SEL1L2: variants seen among roughly 807,000 people sequenced by gnomAD.
SEL1L2 encodes the protein protein sel-1 homolog 2.
Under a neutral mutation model 98.8 loss-of-function variants are expected in SEL1L2, and 89 were observed. The observed-to-expected ratio is 0.90, with a 90% confidence interval of 0.76 to 1.07. The LOEUF is 1.07. Among genes scored for constraint, SEL1L2 ranks in the 50% least tolerant of loss-of-function variants. The pLI is 0.00. For synonymous variants in SEL1L2, 262 were observed against 278.5 expected, an observed-to-expected ratio of 0.94 and a Z score of 0.59; for missense variants, 788 against 812.0, an observed-to-expected ratio of 0.97 and a Z score of 0.36.
At chr20:13,989,941 T>A (rs1281104948) in intron 1 of SEL1L2, among the ~76,000 whole-genome samples, 1 of 152,130 alleles carries the variant, frequency 6.6e-6, no homozygotes, top group Non-Finnish European at 1.5e-5. Flanking sequence ...GCACATTATA[T>A]GAGGATTGGG....
At chr20:13,964,818 A>G (rs2050964604) in intron 1 of SEL1L2, among the ~76,000 whole-genome samples, 1 of 152,002 alleles carries the variant, frequency 6.6e-6, no homozygotes. Context: ...TTCTTTCTCA[A>G]AGGCCAGTAA....
intron 9 of SEL1L2, 104 bp from the exon 10 acceptor site, chr20:13,885,507 T>A: frequency 1.3e-6 from 1 of 775,686 alleles, no homozygotes; most frequent in Non-Finnish European, 2.3e-6. Flanking sequence ...GTTGGACACG[T>A]TTGAAATGTC....
intron 1 of SEL1L2, among the ~76,000 whole-genome samples, chr20:13,981,651 A>G (rs2051836912): frequency 2.0e-5 from 3 of 152,224 alleles, no homozygotes; most frequent in African/African-American, 7.2e-5. Context: ...AAAGCCTTAT[A>G]ACTTTCAGGA....
intron 1 of SEL1L2, among the ~76,000 whole-genome samples, chr20:13,978,327 T>C (rs1307734633): frequency 1.3e-5 from 2 of 152,138 alleles, no homozygotes; most frequent in Non-Finnish European, 2.9e-5. Flanking sequence ...TGGACCCTTA[T>C]CACACAAGGC....
chr20:13,956,000 T>C (rs1325360475), intron 2 of SEL1L2, 76 bp downstream of exon 2: 6 of 762,596 alleles, frequency 7.9e-6, no homozygotes, highest in Non-Finnish European at 1.4e-5. Flanking sequence ...TTAATAATTC[T>C]GAGTATCCTG....
rs1989724856 is a variant in SEL1L2 at position 13,859,429 on chromosome 20, CA to C, written c.1650del (p.Asn550LysfsTer6). On this transcript the variant is annotated frameshift_variant, in exon 18 of 20. Transcript: ENST00000284951. LOFTEE classifies it high-confidence loss of function. ...TCTCCAATTTTTACTCTAGCAAATG[CA>C]TTGCCTGATAGAAATATTAGAGAAA... ...LLWNRAAIQG[N>X]AFARVKIGDY... 1.9e-6 allele frequency: 3 copies of C among 1,612,122 alleles called. No individual in the cohort carries two copies. The Middle Eastern group carries it at 5.0e-4, about 266-fold the overall frequency.
rs541326315 is a variant in SEL1L2, at chr20:13,892,886, C to T, written c.550-4374G>A. Among the ~76,000 whole-genome samples, 351 of 152,316 alleles carry T rather than the reference C, an allele frequency of 2.3e-3. 2 individuals carry two copies. The highest frequency in any genetic ancestry group is 8.3e-3 in the African/African-American group (344 of 41,578). The stretch of plus-strand genomic sequence containing the variant: ...GCCCCTGCTTAACAGACAAGATGGA[C>T]TCCCTGTGGCTGAAAAGATGAAAGC... On this transcript the variant is annotated intron_variant, in intron 5 of 19. Coordinates refer to ENST00000284951, the MANE Select transcript of SEL1L2 (RefSeq NM_025229.2).
At chr20:13,967,437 G>GA (rs1020158663) in intron 1 of SEL1L2, among the ~76,000 whole-genome samples, 2 of 152,100 alleles carry the variant, frequency 1.3e-5, no homozygotes, top group Non-Finnish European at 2.9e-5. Flanking sequence ...CAAGAAAGAA[G>GA]AAAAAATATT....
chr20:13,873,043 T>C (rs2046276568), intron 12 of SEL1L2, among the ~76,000 whole-genome samples: 1 of 151,290 alleles, frequency 6.6e-6, no homozygotes. Context: ...CATGCTGGAG[T>C]GCTGTGGAGT....
At chr20:13,896,210 G>C (rs2047416841) in intron 5 of SEL1L2, among the ~76,000 whole-genome samples, 1 of 152,056 alleles carries the variant, frequency 6.6e-6, no homozygotes, top group African/African-American at 2.4e-5. Flanking sequence ...GGTGGCTCAC[G>C]CCTGTAATCC....
Position 13,888,893 on chromosome 20 carries a change from G to A in SEL1L2, c.550-381C>T, listed in dbSNP as rs1439663415. Among the ~76,000 whole-genome samples the A allele has an allele frequency of 2.0e-5, 3 of 147,828 alleles. No individual in the cohort carries two copies. In the East Asian group the frequency reaches 6.0e-4, roughly 30 times the overall value. ...GATCTCCTGACCTCGTGATCTACCC[G>A]CCTCGGCCTCCCAAAGTGTTGGGAT... On this transcript the variant is annotated intron_variant, in intron 5 of 19. Coordinates refer to ENST00000284951, the MANE Select transcript of SEL1L2 (RefSeq NM_025229.2).
intron 15 of SEL1L2, among the ~76,000 whole-genome samples, chr20:13,866,302 A>C (rs1490539661): frequency 6.6e-6 from 1 of 152,192 alleles, no homozygotes; most frequent in Non-Finnish European, 1.5e-5. Flanking sequence ...CAAAAACCTA[A>C]GGATGCTGCT....
intron 10 of SEL1L2, among the ~76,000 whole-genome samples, chr20:13,878,669 C>T (rs1415921559): frequency 6.6e-6 from 1 of 152,140 alleles, no homozygotes; most frequent in Non-Finnish European, 1.5e-5. Flanking sequence ...ACAAATGCTG[C>T]CACAGTTAAA....
At chr20:13,888,031 C>T in intron 6 of SEL1L2, 30 bp from the exon 7 acceptor site, 1 of 1,595,986 alleles carries the variant, frequency 6.3e-7, no homozygotes, top group Non-Finnish European at 8.5e-7. Context: ...ACAAAAAACC[C>T]CCCAAACCAG....
At chr20:13,901,202 C>T (rs1380941986) in intron 5 of SEL1L2, among the ~76,000 whole-genome samples, 2 of 151,754 alleles carry the variant, frequency 1.3e-5, no homozygotes, top group Non-Finnish European at 2.9e-5. Flanking sequence ...TCCCGAGTAG[C>T]TGGGACTACA....
At chr20:13,850,038 A>G in intron 19 of SEL1L2, 153 bp downstream of exon 19, 4 of 753,634 alleles carry the variant, frequency 5.3e-6, no homozygotes, top group South Asian at 1.8e-5. Context: ...AACATGCAGA[A>G]TTACTCTGCA....
chr20:13,872,600 A>G (rs1321538695), intron 12 of SEL1L2, among the ~76,000 whole-genome samples: 2 of 152,166 alleles, frequency 1.3e-5, no homozygotes, highest in African/African-American at 2.4e-5. Context: ...GAACGGACTA[A>G]TACAGAAGGG....
At chr20:13,915,487 G>T (rs983309228) in intron 4 of SEL1L2, among the ~76,000 whole-genome samples, 1 of 152,184 alleles carries the variant, frequency 6.6e-6, no homozygotes, top group Non-Finnish European at 1.5e-5. Flanking sequence ...CACGTGGCTT[G>T]CTGCTGCAAC....
intron 3 of SEL1L2, among the ~76,000 whole-genome samples, chr20:13,921,731 C>T (rs1020924819): frequency 5.9e-5 from 9 of 152,006 alleles, no homozygotes; most frequent in East Asian, 1.9e-4. Context: ...TTTATGGAAC[C>T]GTTTTTCAAA....
Sources: allele counts gnomAD v4.1 joint callset (sites outside exome capture counted in the v4.1 genomes callset), GRCh38; gene constraint gnomAD v4.1.1; transcripts MANE v1.5; gene names NCBI Gene and HGNC (gene_info 2026-07-23, HGNC 2026-07-21).